Variants in ZNF782 observed in about 807,000 individuals in gnomAD.
The protein encoded by ZNF782 is zinc finger protein 782.
A neutral mutation model predicts 13.0 loss-of-function variants in ZNF782; 12 were observed. The ratio of observed to expected loss-of-function variants is 0.92; its 90% confidence interval spans 0.59 to 1.50. The LOEUF is 1.50. ZNF782 is among the 40% of genes most tolerant of loss of function. ZNF782 has a pLI of 0.00. For synonymous variants in ZNF782, 284 were observed against 283.0 expected (o/e 1.00, Z -0.04); for missense variants, 770 against 822.9 (o/e 0.94, Z 0.79).
chr9:96,841,596 T>C (rs1851191794), intron 4 of ZNF782, among the ~76,000 whole-genome samples: 1 of 151,954 alleles, frequency 6.6e-6, no homozygotes, highest in Non-Finnish European at 1.5e-5. Context: ...ACAAAGTCTA[T>C]TACATTAATG....
chr9:96,922,658 C>T, the ZNF782 span, among the ~76,000 whole-genome samples: 3 of 151,152 alleles, frequency 2.0e-5, no homozygotes, highest in Non-Finnish European at 4.4e-5. Flanking sequence ...CCTGTAGTCC[C>T]AGCTACTCGG....
chr9:96,854,992 T>C (rs1004797519), upstream of ZNF782, among the ~76,000 whole-genome samples: 2 of 152,212 alleles, frequency 1.3e-5, no homozygotes, highest in Non-Finnish European at 2.9e-5. Context: ...TACAATTTTA[T>C]ACATTTTCAA....
chr9:96,907,893 G>A, the ZNF782 span, among the ~76,000 whole-genome samples: 3 of 151,664 alleles, frequency 2.0e-5, no homozygotes, highest in Non-Finnish European at 2.9e-5. Flanking sequence ...TGCCCACCTT[G>A]GCCTCCCAAA....
At chr9:96,927,207 G>A in the ZNF782 span, among the ~76,000 whole-genome samples, 4 of 152,222 alleles carry the variant, frequency 2.6e-5, no homozygotes, top group African/African-American at 9.6e-5. Flanking sequence ...AGAGACTCCA[G>A]CCAGGATTCA....
upstream of ZNF782, among the ~76,000 whole-genome samples, chr9:96,858,946 G>C (rs1851674507): frequency 1.3e-5 from 2 of 151,932 alleles, no homozygotes; most frequent in Non-Finnish European, 2.9e-5. This position sits in a 1 kb window ranked among gnomAD's most constrained non-coding sequence, Gnocchi z 4.4. Flanking sequence ...AGCAAAACAA[G>C]GTTGCACTCA....
chr9:96,871,900 T>C (rs1851833442), intron 1 of ZNF782, among the ~76,000 whole-genome samples: 1 of 152,240 alleles, frequency 6.6e-6, no homozygotes, highest in Admixed American at 6.5e-5. Flanking sequence ...AGGGCTTTCA[T>C]CTGCATTGAT....
rs146368566 is a variant in ZNF782 at position 96,818,553 on chromosome 9, C to T, written c.1470G>A (p.Met490Ile). ...CNECGKSFSH[M>I]SGLRNHRRTH... is the part of the protein sequence containing the mutation. ...TTCTTCGGTGATTCCTTAGGCCTGA[C>T]ATATGGCTGAAAGATTTCCCGCATT... The change falls in exon 6 of 6, where the codon ATG becomes ATA. Residue 490 changes from methionine to isoleucine, a missense_variant. Physicochemically the swap from Met to Ile is conservative, Grantham distance 10. Transcript: ENST00000481138. The T allele has an allele frequency of 2.6e-3, 4,160 of 1,613,390 alleles. 8 individuals are homozygous for T. Among genetic ancestry groups the T allele is most frequent in the Non-Finnish European group, 3.4e-3 (3,960 of 1,179,860 alleles).
upstream of ZNF782, among the ~76,000 whole-genome samples, chr9:96,856,973 C>A (rs1408051175): frequency 6.6e-6 from 1 of 152,196 alleles, no homozygotes; most frequent in Non-Finnish European, 1.5e-5. Flanking sequence ...CCTGCGCCTG[C>A]CATGCTGCTC....
chr9:96,913,537 A>T, the ZNF782 span, among the ~76,000 whole-genome samples: 1 of 150,112 alleles, frequency 6.7e-6, no homozygotes, highest in Non-Finnish European at 1.5e-5. Context: ...GGGGGGTTGG[A>T]GGGGACGGAG....
At chr9:96,905,407 TAAAA>T in the ZNF782 span, among the ~76,000 whole-genome samples, 1 of 151,816 alleles carries the variant, frequency 6.6e-6, no homozygotes, top group Non-Finnish European at 1.5e-5. Flanking sequence ...CTATATGGTC[TAAAA>T]AAGGGAGGAA....
intron 5 of ZNF782, 124 bp downstream of exon 5, chr9:96,826,956 T>A (rs1850642471): frequency 3.2e-6 from 2 of 632,276 alleles, no homozygotes; most frequent in Non-Finnish European, 5.1e-6. Context: ...CTTTTATCTC[T>A]GCTGATTTTT....
At chr9:96,882,716 T>C in the ZNF782 span, among the ~76,000 whole-genome samples, 19 of 152,346 alleles carry the variant, frequency 1.2e-4, no homozygotes, top group Non-Finnish European at 2.5e-4. Flanking sequence ...ATGATTGTTT[T>C]AACTGCATGC....
At chr9:96,868,931 A>G (rs1328493827) in intron 1 of ZNF782, among the ~76,000 whole-genome samples, 1 of 152,144 alleles carries the variant, frequency 6.6e-6, no homozygotes, top group Admixed American at 6.5e-5. Flanking sequence ...CTCCCACTTC[A>G]TTAATAATGA....
intron 5 of ZNF782, among the ~76,000 whole-genome samples, chr9:96,822,836 A>G (rs1850472144): frequency 6.6e-6 from 1 of 152,156 alleles, no homozygotes; most frequent in African/African-American, 2.4e-5. Context: ...CTTTGATTAA[A>G]TATGTTTTTA....
chr9:96,865,768 T>C (rs978017671), intron 1 of ZNF782, among the ~76,000 whole-genome samples: 3 of 152,200 alleles, frequency 2.0e-5, no homozygotes, highest in Admixed American at 2.0e-4. Flanking sequence ...AAAATGTTGA[T>C]AATGATATGG....
chr9:96,925,185 C>A, the ZNF782 span, among the ~76,000 whole-genome samples: 8 of 152,250 alleles, frequency 5.3e-5, no homozygotes, highest in East Asian at 1.6e-3. Context: ...GGAACCCCGC[C>A]CGCCTCGAGG....
chr9:96,911,940 C>T, the ZNF782 span, among the ~76,000 whole-genome samples: 7,724 of 151,798 alleles, frequency 0.051, 442 homozygotes, highest in African/African-American at 0.17. Context: ...CGGCTCACGC[C>T]TGTAATCCCA....
chr9:96,857,710 G>C (rs1326233969), upstream of ZNF782, among the ~76,000 whole-genome samples: 1 of 152,160 alleles, frequency 6.6e-6, no homozygotes, highest in Non-Finnish European at 1.5e-5. Flanking sequence ...AGTTTGTAAG[G>C]TTTTTGTGAA....
Position 96,818,999 on chromosome 9 carries a change from G to T in ZNF782, c.1024C>A (p.Pro342Thr). The change falls in exon 6 of 6, where the codon CCA (proline) becomes ACA (threonine). Residue 342 changes from proline (P) to threonine (T), a missense_variant. Coordinates refer to ENST00000481138, the MANE Select transcript of ZNF782 (RefSeq NM_001001662.3). ...TGGTAGCTGAATGTCTCTGTACATGGGTGATAATCAGAGTATTTATCTGTT... is the reference window on the plus strand; with the variant it reads ...TGGTAGCTGAATGTCTCTGTACATGTGTGATAATCAGAGTATTTATCTGTT... ...HATDKYSDYH[P>T]CTETFSYQST... 1 of 1,614,116 alleles carries T rather than the reference G, an allele frequency of 6.2e-7. No individual in the cohort carries two copies.
Sources: allele counts gnomAD v4.1 joint callset (sites outside exome capture counted in the v4.1 genomes callset), GRCh38; gene constraint gnomAD v4.1.1; non-coding constraint Gnocchi (gnomAD v3.1); transcripts MANE v1.5; gene names NCBI Gene and HGNC (gene_info 2026-07-23, HGNC 2026-07-21).